The following ESR1 variants were observed in gnomAD, a reference collection of about 807,000 sequenced individuals.
ESR1 encodes the protein estrogen receptor 1, also known as estrogen receptor.
Under a neutral mutation model 52.7 loss-of-function variants are expected in ESR1, and 12 were observed. The observed-to-expected ratio is 0.23, with a 90% CI of 0.15 to 0.37. The LOEUF (loss-of-function observed/expected upper bound fraction) is 0.37. Among genes scored for constraint, ESR1 ranks in the 10% least tolerant of loss-of-function variants. The pLI is 1.00. For synonymous variants in ESR1, 305 were observed against 316.8 expected, an observed-to-expected ratio of 0.96 and a Z score of 0.39; for missense variants, 584 against 779.7, an observed-to-expected ratio of 0.75 and a Z score of 2.99.
intron 2 of ESR1, among the ~76,000 whole-genome samples, chr6:151,762,475 C>A (rs996099580): frequency 3.3e-5 from 5 of 152,108 alleles, no homozygotes; most frequent in African/African-American, 9.7e-5. Context: ...CTTTAAGGGG[C>A]CTCTTTAAAT....
At chr6:151,964,117 T>G (rs1157816215) in intron 4 of ESR1, among the ~76,000 whole-genome samples, 3 of 152,224 alleles carry the variant, frequency 2.0e-5, no homozygotes, top group Admixed American at 6.5e-5. Flanking sequence ...GCCTCTAGCT[T>G]TGTTCTTTTT....
intron 2 of ESR1, among the ~76,000 whole-genome samples, chr6:151,870,471 C>T (rs973833346): frequency 2.0e-5 from 3 of 152,114 alleles, no homozygotes; most frequent in African/African-American, 7.2e-5. Context: ...GTTCAGTCAT[C>T]GTCAAGTTCT....
chr6:151,842,556 C>A lies in ESR1; in HGVS notation c.453-41C>A, dbSNP rs372842954. 10 of 1,584,390 alleles carry A rather than the reference C, an allele frequency of 6.3e-6. No homozygotes were observed. The African/African-American group carries it at 1.1e-4, about 17-fold the overall frequency. ...CATCTCCCAGAGAGTGCATGTTTTG[C>A]TTTTCTAATGTTAATGGATTTACTG... On this transcript the variant is annotated intron_variant, in intron 1 of 7. Transcript: ENST00000206249.
At chr6:151,690,062 A>C (rs569276132), upstream of ESR1, among the ~76,000 whole-genome samples, 1 of 152,302 alleles carries the variant, frequency 6.6e-6, no homozygotes, top group South Asian at 2.1e-4. Context: ...GAACCTCATT[A>C]ATCGGTAACA....
chr6:151,831,007 ACT>A (rs1186233262), intron 1 of ESR1, among the ~76,000 whole-genome samples: 2 of 151,916 alleles, frequency 1.3e-5, no homozygotes, highest in Non-Finnish European at 2.9e-5. Context: ...CTCTTATATG[ACT>A]CTCAGCTCCA....
intron 3 of ESR1, among the ~76,000 whole-genome samples, chr6:151,915,110 G>A (rs573481835): frequency 6.6e-6 from 1 of 151,942 alleles, no homozygotes; most frequent in South Asian, 2.1e-4. Context: ...CAGGAAAATT[G>A]CTTGAACCAG....
chr6:152,021,846 G>A (rs1015659856), intron 5 of ESR1, among the ~76,000 whole-genome samples: 3 of 152,078 alleles, frequency 2.0e-5, no homozygotes, highest in African/African-American at 7.2e-5. Context: ...TTTATAAGGG[G>A]TTTTCCCTTT....
intron 4 of ESR1, among the ~76,000 whole-genome samples, chr6:151,960,082 T>C (rs2037474548): frequency 6.6e-6 from 1 of 152,132 alleles, no homozygotes; most frequent in Admixed American, 6.5e-5. Flanking sequence ...ATGGATCAAA[T>C]GGAATCTCCA....
At chr6:151,810,146 A>T (rs1419753146) in intron 1 of ESR1, among the ~76,000 whole-genome samples, 7 of 152,194 alleles carry the variant, frequency 4.6e-5, no homozygotes, top group Admixed American at 6.5e-5. Flanking sequence ...TACAGAGGGG[A>T]TCGCATCTTA....
intron 3 of ESR1, among the ~76,000 whole-genome samples, chr6:151,881,541 T>G (rs1792915374): frequency 6.6e-6 from 1 of 152,204 alleles, no homozygotes; most frequent in Non-Finnish European, 1.5e-5. Context: ...CCTCATTGTA[T>G]TCTTGGGAGT....
At chr6:152,032,738 G>A (rs888487531) in intron 5 of ESR1, among the ~76,000 whole-genome samples, 14 of 152,140 alleles carry the variant, frequency 9.2e-5, no homozygotes, top group African/African-American at 3.4e-4. Context: ...TAGATTCAAT[G>A]CTATCCCCAT....
intron 3 of ESR1, among the ~76,000 whole-genome samples, chr6:151,914,773 C>T (rs1798792348): frequency 6.6e-6 from 1 of 152,108 alleles, no homozygotes; most frequent in Non-Finnish European, 1.5e-5. Context: ...TATAAAGCGT[C>T]CTCCATAGTA....
chr6:151,778,776 C>T (rs1786257803), intron 2 of ESR1, among the ~76,000 whole-genome samples: 1 of 152,004 alleles, frequency 6.6e-6, no homozygotes, highest in African/African-American at 2.4e-5. Context: ...TGAATCTCAA[C>T]TGTGAGATTA....
intron 1 of ESR1, among the ~76,000 whole-genome samples, chr6:151,695,601 A>AT (rs1779278110): frequency 6.6e-6 from 1 of 152,206 alleles, no homozygotes; most frequent in Non-Finnish European, 1.5e-5. Flanking sequence ...GATGATCTGC[A>AT]TTTTTGAGAT....
At chr6:151,833,062 A>G (rs993216422) in intron 1 of ESR1, among the ~76,000 whole-genome samples, 1 of 152,174 alleles carries the variant, frequency 6.6e-6, no homozygotes. Flanking sequence ...TTTGGCTGCT[A>G]CCTGAGAAGG....
intron 5 of ESR1, among the ~76,000 whole-genome samples, chr6:152,034,373 C>A (rs532042143): frequency 9.9e-5 from 15 of 152,204 alleles, no homozygotes; most frequent in African/African-American, 3.6e-4. Flanking sequence ...TTCATACATA[C>A]AAAGGATACC....
At chr6:152,074,277 C>T (rs1454125072) in intron 6 of ESR1, among the ~76,000 whole-genome samples, 2 of 152,210 alleles carry the variant, frequency 1.3e-5, no homozygotes, top group Non-Finnish European at 2.9e-5. Flanking sequence ...CTGGCAACTA[C>T]TGATCTTTTT....
At chr6:151,998,220 C>T (rs1173645555) in intron 4 of ESR1, among the ~76,000 whole-genome samples, 1 of 152,120 alleles carries the variant, frequency 6.6e-6, no homozygotes. Context: ...GAAGCATCCC[C>T]ATTGGGGTGG....
At chr6:151,859,576 A>G (rs966324133) in intron 2 of ESR1, among the ~76,000 whole-genome samples, 13 of 151,858 alleles carry the variant, frequency 8.6e-5, no homozygotes, top group African/African-American at 3.1e-4. Context: ...CCTTACCGCC[A>G]CTCTTCTCCA....
Sources: allele counts gnomAD v4.1 joint callset (sites outside exome capture counted in the v4.1 genomes callset), GRCh38; gene constraint gnomAD v4.1.1; transcripts MANE v1.5; gene names NCBI Gene and HGNC (gene_info 2026-07-23, HGNC 2026-07-21).